Variants in ALG9 observed in about 807,000 individuals in gnomAD.
ALG9 encodes the protein ALG9 alpha-1,2-mannosyltransferase.
Under a neutral mutation model 81.8 loss-of-function variants are expected in ALG9, and 55 were observed. That is an observed-to-expected ratio of 0.67 (90% CI 0.54 to 0.84). ALG9 has a LOEUF of 0.84. Among genes scored for constraint, ALG9 ranks in the 40% least tolerant of loss-of-function variants. ALG9 has a pLI of 0.00. For missense variants in ALG9, 629 were observed against 745.0 expected (o/e 0.84, Z 1.81); for synonymous variants, 278 against 274.3 (o/e 1.01, Z -0.13).
At chr11:111,790,027 G>T (rs1184418994) in intron 14 of ALG9, among the ~76,000 whole-genome samples, 1 of 151,592 alleles carries the variant, frequency 6.6e-6, no homozygotes, top group Non-Finnish European at 1.5e-5. Context: ...GAAAAAAAAA[G>T]AATAATAATA....
intron 1 of ALG9, 59 bp downstream of exon 1, chr11:111,871,292 CG>C: frequency 7.3e-7 from 1 of 1,367,584 alleles, no homozygotes; most frequent in Non-Finnish European, 9.3e-7. Context: ...AAGACCCTCC[CG>C]GGGGCAGCCC....
intron 13 of ALG9, among the ~76,000 whole-genome samples, chr11:111,819,584 A>C (rs981965045): frequency 1.6e-4 from 24 of 152,278 alleles, no homozygotes; most frequent in African/African-American, 5.8e-4. Context: ...CCCACAGCTA[A>C]GTAAAATTTG....
intron 13 of ALG9, among the ~76,000 whole-genome samples, chr11:111,833,782 T>C (rs1298071873): frequency 1.3e-5 from 2 of 152,254 alleles, no homozygotes; most frequent in African/African-American, 2.4e-5. Flanking sequence ...ACTGGCATCC[T>C]GAAAAATCAT....
intron 4 of ALG9, among the ~76,000 whole-genome samples, 158 bp downstream of exon 4, chr11:111,865,023 C>T (rs1015430727): frequency 7.2e-5 from 11 of 152,108 alleles, no homozygotes; most frequent in Admixed American, 5.9e-4. Flanking sequence ...GTGATCTGCC[C>T]GCCTTGGCCT....
intron 13 of ALG9, among the ~76,000 whole-genome samples, chr11:111,834,984 T>C (rs1174273692): frequency 2.6e-5 from 4 of 152,218 alleles, no homozygotes; most frequent in Non-Finnish European, 4.4e-5. Context: ...TCATAGCTTA[T>C]AGTTACAGCT....
chr11:111,800,074 T>C (rs1948874493), intron 14 of ALG9, among the ~76,000 whole-genome samples: 3 of 152,248 alleles, frequency 2.0e-5, no homozygotes, highest in Admixed American at 1.3e-4. Flanking sequence ...GGTGCCTCTA[T>C]GGTCTTAACA....
At chr11:111,797,271 T>C (rs1419989213) in intron 14 of ALG9, among the ~76,000 whole-genome samples, 1 of 152,230 alleles carries the variant, frequency 6.6e-6, no homozygotes, top group Non-Finnish European at 1.5e-5. Context: ...TAAAAAATTA[T>C]GCAGGTCTTG....
chr11:111,804,174 A>G (rs940035058), intron 14 of ALG9, among the ~76,000 whole-genome samples: 102 of 151,988 alleles, frequency 6.7e-4, no homozygotes, highest in African/African-American at 2.4e-3. Context: ...ACAAAACTGA[A>G]AGTATAAAAC....
At chr11:111,852,761 C>A (rs955870368) in intron 8 of ALG9, among the ~76,000 whole-genome samples, 5 of 151,940 alleles carry the variant, frequency 3.3e-5, no homozygotes, top group Admixed American at 6.6e-5. Flanking sequence ...CATGGAGAAA[C>A]CCCGTCTCTA....
chr11:111,800,297 G>T (rs971518539), intron 14 of ALG9, among the ~76,000 whole-genome samples: 7 of 151,694 alleles, frequency 4.6e-5, no homozygotes, highest in African/African-American at 1.7e-4. Flanking sequence ...TGGCTAACAT[G>T]GTAAAACCCT....
At chr11:111,827,265 T>C (rs1451859009) in intron 13 of ALG9, among the ~76,000 whole-genome samples, 1 of 151,900 alleles carries the variant, frequency 6.6e-6, no homozygotes, top group Non-Finnish European at 1.5e-5. Flanking sequence ...GCAACTGAGG[T>C]CGGGAGTTTG....
chr11:111,774,384 CA>C, the ALG9 span, among the ~76,000 whole-genome samples: 1 of 152,010 alleles, frequency 6.6e-6, no homozygotes, highest in Admixed American at 6.6e-5. Context: ...CTCCAAAAAA[CA>C]AAACAAAACA....
intron 6 of ALG9, 55 bp from the exon 7 acceptor site, chr11:111,853,791 C>G: frequency 7.1e-7 from 1 of 1,399,020 alleles, no homozygotes; most frequent in Non-Finnish European, 1.0e-6. Flanking sequence ...AGAGACAAAT[C>G]AGATTCACAC....
intron 14 of ALG9, among the ~76,000 whole-genome samples, chr11:111,808,514 G>A (rs570330343): frequency 6.6e-6 from 1 of 152,312 alleles, no homozygotes; most frequent in Admixed American, 6.5e-5. Flanking sequence ...TTATACCTCA[G>A]TTTCAGTAAT....
chr11:111,780,063 C>T (rs1320508372), downstream of ALG9, among the ~76,000 whole-genome samples: 1 of 152,158 alleles, frequency 6.6e-6, no homozygotes, highest in Admixed American at 6.6e-5. Context: ...TGATGTATGG[C>T]TACGGTCATC....
At chr11:111,819,529 G>A (rs868990441) in intron 13 of ALG9, among the ~76,000 whole-genome samples, 1 of 152,216 alleles carries the variant, frequency 6.6e-6, no homozygotes, top group Non-Finnish European at 1.5e-5. Context: ...TAAACTCCTA[G>A]GCAAGTGGGA....
chr11:111,852,939 C>G (rs528141835), intron 8 of ALG9, among the ~76,000 whole-genome samples: 4 of 119,792 alleles, frequency 3.3e-5, no homozygotes, highest in Admixed American at 1.8e-4. Flanking sequence ...TCTAACTCCA[C>G]CTCAAAAAAA....
At chr11:111,773,058 G>A in the ALG9 span, among the ~76,000 whole-genome samples, 1 of 151,452 alleles carries the variant, frequency 6.6e-6, no homozygotes, top group Non-Finnish European at 1.5e-5. Context: ...CTAACATAGT[G>A]AAACTCCCTC....
At chr11:111,841,136 T>C (rs1956155074) in intron 9 of ALG9, among the ~76,000 whole-genome samples, 1 of 152,228 alleles carries the variant, frequency 6.6e-6, no homozygotes, top group South Asian at 2.1e-4. Context: ...TCTCCTTTAA[T>C]GAGTCCTGCC....
Sources: allele counts gnomAD v4.1 joint callset (sites outside exome capture counted in the v4.1 genomes callset), GRCh38; gene constraint gnomAD v4.1.1; transcripts MANE v1.5; gene names NCBI Gene and HGNC (gene_info 2026-07-23, HGNC 2026-07-21).